VPS8: variants seen among roughly 807,000 people sequenced by gnomAD.
VPS8 encodes the protein vacuolar protein sorting-associated protein 8 homolog.
In VPS8, 129 loss-of-function variants were observed where a neutral mutation model predicts 216.4. That is an observed-to-expected ratio of 0.60 (90% CI 0.52 to 0.69). The LOEUF is 0.69. Ranked by LOEUF, VPS8 falls within the 30% of genes least tolerant of loss-of-function variation. The probability of loss-of-function intolerance (pLI) is 0.00; values close to 1 mark genes in which losing one functional copy is unlikely to be tolerated. For synonymous variants in VPS8, 571 were observed against 565.4 expected (o/e 1.01, Z -0.14); for missense variants, 1,531 against 1,683.5 (o/e 0.91, Z 1.59).
intron 35 of VPS8, among the ~76,000 whole-genome samples, chr3:184,937,970 C>T (rs1263941642): frequency 1.3e-5 from 2 of 152,138 alleles, no homozygotes; most frequent in Non-Finnish European, 2.9e-5. Context: ...TATTGAAGTT[C>T]TTTAAAGCTA....
At chr3:184,951,592 A>G (rs919327801) in intron 36 of VPS8, among the ~76,000 whole-genome samples, 1 of 152,198 alleles carries the variant, frequency 6.6e-6, no homozygotes, top group Non-Finnish European at 1.5e-5. Flanking sequence ...GATTTTCACA[A>G]TCTGAGTAAG....
At chr3:184,888,007 A>G (rs1180301147) in intron 22 of VPS8, among the ~76,000 whole-genome samples, 21 of 140,418 alleles carry the variant, frequency 1.5e-4, no homozygotes, top group Admixed American at 1.4e-3. Context: ...TTTTTTTTGG[A>G]GACAGAATCT....
chr3:184,971,129 CTT>C (rs1259349341), intron 39 of VPS8, among the ~76,000 whole-genome samples: 1 of 152,088 alleles, frequency 6.6e-6, no homozygotes, highest in Non-Finnish European at 1.5e-5. Context: ...AAATAAATGT[CTT>C]AGGTTCATTA....
chr3:184,886,562 T>C (rs1456304737), intron 22 of VPS8, among the ~76,000 whole-genome samples: 2 of 143,398 alleles, frequency 1.4e-5, no homozygotes, highest in Non-Finnish European at 3.1e-5. Context: ...CACACACACA[T>C]TCTTCTTTTT....
intron 25 of VPS8, 48 bp downstream of exon 25, chr3:184,901,020 A>G (rs1011058839): frequency 1.9e-6 from 3 of 1,551,234 alleles, no homozygotes; most frequent in Non-Finnish European, 2.6e-6. Flanking sequence ...TATTTAAGGT[A>G]TTATTTAAAT....
At position 185,004,352 on chromosome 3, in the gene VPS8, C is replaced by T. The variant is rs567796071; in HGVS notation, c.4002+4491C>T. Among the ~76,000 whole-genome samples the T allele has an allele frequency of 1.0e-3, 155 of 151,876 alleles. 2 individuals carry two copies. The highest frequency in any genetic ancestry group is 3.3e-3 in the African/African-American group (138 of 41,412). Reference sequence around the variant, plus strand: ...AAAACCAGTCAGGCGTGGCGGCGCGCGCCCGCAATCGCAGGCACTCGGCAG... The same window carrying T: ...AAAACCAGTCAGGCGTGGCGGCGCGTGCCCGCAATCGCAGGCACTCGGCAG... On this transcript the variant is annotated intron_variant, in intron 45 of 47. Coordinates refer to ENST00000625842, the MANE Select transcript of VPS8 (RefSeq NM_001009921.3).
At chr3:185,009,687 A>AC (rs2109983692) in intron 45 of VPS8, among the ~76,000 whole-genome samples, 1 of 152,262 alleles carries the variant, frequency 6.6e-6, no homozygotes, top group East Asian at 1.9e-4. Context: ...AAAGATAGTG[A>AC]CCCCTGAAAG....
At chr3:184,946,108 C>T (rs747992756) in intron 36 of VPS8, among the ~76,000 whole-genome samples, 9 of 152,286 alleles carry the variant, frequency 5.9e-5, no homozygotes, top group South Asian at 2.1e-4. Flanking sequence ...ACAGATCTTA[C>T]GATGTCTGGC....
At chr3:184,857,716 T>A (rs1725521399) in intron 14 of VPS8, among the ~76,000 whole-genome samples, 1 of 152,206 alleles carries the variant, frequency 6.6e-6, no homozygotes, top group South Asian at 2.1e-4. Flanking sequence ...ATTACCAGTC[T>A]AGGCCAATCA....
rs140813530 is a variant in VPS8 at position 184,976,066 on chromosome 3, A to C, written c.3420+4314A>C. ...TTACGTCCATGTATACCCAATGTTT[A>C]GCTCCCATTGTAATTATGTGTATAT... On this transcript the variant is annotated intron_variant, in intron 40 of 47. Coordinates refer to ENST00000625842, the MANE Select transcript of VPS8 (RefSeq NM_001009921.3). Among the ~76,000 whole-genome samples, 399 of 152,202 alleles carry C rather than the reference A, an allele frequency of 2.6e-3. 3 individuals are homozygous for C. Among genetic ancestry groups the C allele is most frequent in the Middle Eastern group, 0.01 (3 of 294 alleles).
At chr3:184,997,666 G>C (rs1001686756) in intron 44 of VPS8, among the ~76,000 whole-genome samples, 1 of 152,296 alleles carries the variant, frequency 6.6e-6, no homozygotes, top group African/African-American at 2.4e-5. Flanking sequence ...CAAGTGAAAT[G>C]CCAGATACTG....
chr3:184,935,544 G>A (rs547674006), intron 34 of VPS8, among the ~76,000 whole-genome samples: 54 of 152,192 alleles, frequency 3.5e-4, no homozygotes, highest in African/African-American at 1.1e-3. Flanking sequence ...GCCGTGTATT[G>A]TGGTTGTGTT....
chr3:184,911,404 G>A (rs905852881), intron 25 of VPS8, among the ~76,000 whole-genome samples: 1 of 152,196 alleles, frequency 6.6e-6, no homozygotes, highest in Non-Finnish European at 1.5e-5. Context: ...ATCAAAAAAT[G>A]TCTGAGACAA....
intron 44 of VPS8, among the ~76,000 whole-genome samples, chr3:184,997,042 C>T (rs1752707627): frequency 6.6e-6 from 1 of 152,186 alleles, no homozygotes; most frequent in Admixed American, 6.5e-5. Context: ...TACTGTTAGA[C>T]ATCAGGTAGG....
chr3:185,024,471 C>T lies in VPS8; in HGVS notation c.4056+82C>T, dbSNP rs997288435. The T allele has an allele frequency of 6.5e-6, 9 of 1,391,012 alleles. No homozygotes were observed. The African/African-American group carries it at 1.2e-4, about 18-fold the overall frequency. 86.2% of individuals were successfully genotyped at this position (1,391,012 alleles called of 1,614,324 possible). ...ATGTGGAACAATATTCTCAACATGG[C>T]AATGATTTTTAATCATCTTAATGCT... On this transcript the variant is annotated intron_variant, in intron 46 of 47. Coordinates refer to ENST00000625842, the MANE Select transcript of VPS8 (RefSeq NM_001009921.3).
At position 184,930,547 on chromosome 3, in the gene VPS8, G is replaced by A. The variant is rs1740491391; in HGVS notation, c.2877G>A (p.Gln959=). 6.2e-7 allele frequency: 1 copy of A among 1,612,946 alleles called. No individual in the cohort carries two copies. The highest frequency in any genetic ancestry group is 8.5e-7 in the Non-Finnish European group (1 of 1,179,016). The change falls in exon 34 of 48, where the codon CAG becomes CAA. Residue 959 remains glutamine, a synonymous_variant. Coordinates refer to ENST00000625842, the MANE Select transcript of VPS8 (RefSeq NM_001009921.3). ...HSAEEKQSVW[Q]KAMDHIEELV... ...CAGAGGAGAAGCAGTCTGTATGGCA[G>A]AAAGCAATGGATCATATTGAGGTAC...
At chr3:184,913,493 T>G (rs1288755574) in intron 25 of VPS8, 26 bp from the exon 26 acceptor site, 1 of 1,562,292 alleles carries the variant, frequency 6.4e-7, no homozygotes, top group Non-Finnish European at 8.7e-7. Flanking sequence ...AGAAAATTGC[T>G]GAAGATACTT....
intron 34 of VPS8, among the ~76,000 whole-genome samples, chr3:184,935,296 C>T (rs543109832): frequency 6.6e-6 from 1 of 152,232 alleles, no homozygotes; most frequent in African/African-American, 2.4e-5. Context: ...TTTTGAATGG[C>T]TACAGATCAG....
At chr3:185,051,163 C>T (rs1036545447) in intron 47 of VPS8, among the ~76,000 whole-genome samples, 50 of 152,170 alleles carry the variant, frequency 3.3e-4, no homozygotes, top group Admixed American at 5.9e-4. Flanking sequence ...TGGCAGAGCA[C>T]TGGCTTCCCA....
Sources: allele counts gnomAD v4.1 joint callset (sites outside exome capture counted in the v4.1 genomes callset), GRCh38; gene constraint gnomAD v4.1.1; transcripts MANE v1.5; gene names NCBI Gene and HGNC (gene_info 2026-07-23, HGNC 2026-07-21).